TTLL5: variants seen among roughly 807,000 people sequenced by gnomAD.
TTLL5 encodes the protein tubulin polyglutamylase TTLL5.
In TTLL5, 132 loss-of-function variants were observed where a neutral mutation model predicts 168.4. The observed-to-expected ratio is 0.78, with a 90% CI of 0.68 to 0.91. The LOEUF (loss-of-function observed/expected upper bound fraction) is 0.91, where lower values mean the gene tolerates loss of function less well. Ranked by LOEUF, TTLL5 falls within the 40% of genes least tolerant of loss-of-function variation. The pLI is 0.00. For synonymous variants in TTLL5, 546 were observed against 558.6 expected, an observed-to-expected ratio of 0.98 and a Z score of 0.32; for missense variants, 1,545 against 1,581.5, an observed-to-expected ratio of 0.98 and a Z score of 0.39.
At chr14:75,858,731 A>C (rs1335745086) in intron 28 of TTLL5, among the ~76,000 whole-genome samples, 1 of 152,202 alleles carries the variant, frequency 6.6e-6, no homozygotes, top group Non-Finnish European at 1.5e-5. Flanking sequence ...CATCTTCCTA[A>C]TACTTGAAGA....
intron 31 of TTLL5, among the ~76,000 whole-genome samples, chr14:75,941,881 G>C (rs2034618240): frequency 7.9e-6 from 1 of 126,404 alleles, no homozygotes; most frequent in South Asian, 2.5e-4. Flanking sequence ...AACTGGAAAA[G>C]CTATGAGTCA....
At chr14:75,774,994 T>C (rs1453114187) in intron 21 of TTLL5, among the ~76,000 whole-genome samples, 1 of 151,892 alleles carries the variant, frequency 6.6e-6, no homozygotes, top group Non-Finnish European at 1.5e-5. Context: ...CAGCCTATTT[T>C]CTCCTGGTTT....
intron 31 of TTLL5, among the ~76,000 whole-genome samples, chr14:75,934,946 G>A (rs1264447918): frequency 1.3e-5 from 2 of 152,192 alleles, no homozygotes; most frequent in Non-Finnish European, 2.9e-5. Flanking sequence ...GGGCTGCATG[G>A]ATTAATTTGG....
intron 28 of TTLL5, among the ~76,000 whole-genome samples, chr14:75,840,612 C>T (rs943748383): frequency 6.6e-6 from 1 of 152,102 alleles, no homozygotes; most frequent in African/African-American, 2.4e-5. Flanking sequence ...GTATGGGGAT[C>T]GTTGGGGGCC....
chr14:75,943,932 T>G (rs1272884482), intron 31 of TTLL5, among the ~76,000 whole-genome samples: 1 of 152,216 alleles, frequency 6.6e-6, no homozygotes. Flanking sequence ...TGGGCCTACC[T>G]GCAGATTTGA....
chr14:75,764,577 T>C, intron 18 of TTLL5, 38 bp from the exon 19 acceptor site: 2 of 1,609,310 alleles, frequency 1.2e-6, no homozygotes, highest in Middle Eastern at 1.7e-4. Flanking sequence ...GGAGAGAACT[T>C]TCTGAAGGCC....
At chr14:75,888,259 G>A (rs1055494390) in intron 30 of TTLL5, among the ~76,000 whole-genome samples, 7 of 152,206 alleles carry the variant, frequency 4.6e-5, no homozygotes, top group African/African-American at 9.7e-5. Flanking sequence ...GCGTGATGGT[G>A]TGTGTCTCAT....
intron 20 of TTLL5, among the ~76,000 whole-genome samples, chr14:75,768,529 G>C (rs1391924701): frequency 6.6e-6 from 1 of 151,822 alleles, no homozygotes; most frequent in African/African-American, 2.4e-5. Flanking sequence ...TCTGGAGGTT[G>C]TTTATAGACT....
rs571779446 is a variant in TTLL5 at position 75,906,443 on chromosome 14, C to T, written c.3823+4219C>T. 4.2e-4 allele frequency: 336 copies of T among 798,672 alleles called. 1 individual carries two copies. The African/African-American group carries it at 5.9e-3, about 14-fold the overall frequency. The allele number at this position is 798,672 out of a possible 1,614,324, so 49.5% of individuals were successfully genotyped here. A position where few individuals can be genotyped will look rare whatever the true frequency, so the allele number is the denominator to read the frequency against. ...TGGAATTTGACAGGAAGTGGGGTGG[C>T]GTTATCTGGGGGAACGGTGATCCCC... is the stretch of plus-strand genomic sequence containing the variant. On this transcript the variant is annotated intron_variant, in intron 31 of 31. Coordinates refer to ENST00000298832, the MANE Select transcript of TTLL5 (RefSeq NM_015072.5).
At chr14:75,693,674 G>C (rs2140142982) in intron 6 of TTLL5, among the ~76,000 whole-genome samples, 1 of 152,348 alleles carries the variant, frequency 6.6e-6, no homozygotes, top group East Asian at 1.9e-4. Context: ...CAAGGGGACA[G>C]CTTTCTAAGC....
intron 27 of TTLL5, among the ~76,000 whole-genome samples, chr14:75,809,558 T>G (rs1893867191): frequency 6.6e-6 from 1 of 152,216 alleles, no homozygotes; most frequent in South Asian, 2.1e-4. Flanking sequence ...AAGATTTATC[T>G]TTTCTTTGTG....
rs1042811735 is a variant in TTLL5, at chr14:75,902,286, C to T, written c.3823+62C>T. 4 of 1,543,702 alleles carry T rather than the reference C, an allele frequency of 2.6e-6. No individual in the cohort carries two copies. In the African/African-American group the frequency reaches 4.1e-5, roughly 16 times the overall value. ...GACAGGGAAGGTGTTGGGCTTGGCA[C>T]ATTCTCTCTTCTGCCTCCAAAGAGA... On this transcript the variant is annotated intron_variant, in intron 31 of 31. Coordinates refer to ENST00000298832, the MANE Select transcript of TTLL5 (RefSeq NM_015072.5).
At chr14:75,939,890 C>G (rs2034545767) in intron 31 of TTLL5, among the ~76,000 whole-genome samples, 3 of 152,050 alleles carry the variant, frequency 2.0e-5, no homozygotes, top group Admixed American at 1.3e-4. Context: ...CTTTTGAACT[C>G]AAAGCTATAT....
chr14:75,889,844 AGAGG>A (rs1325719366), intron 30 of TTLL5, among the ~76,000 whole-genome samples: 1 of 8,074 alleles, frequency 1.2e-4, no homozygotes, highest in African/African-American at 3.9e-4. Context: ...AAAAAAAAAA[AGAGG>A]AAGGAAGGAA....
At chr14:75,694,348 T>C (rs1313518022) in intron 6 of TTLL5, among the ~76,000 whole-genome samples, 1 of 147,600 alleles carries the variant, frequency 6.8e-6, no homozygotes, top group East Asian at 1.9e-4. Context: ...CATTAACTTC[T>C]TTTTTTTTGA....
chr14:75,813,270 TTG>T (rs58821426), intron 27 of TTLL5, among the ~76,000 whole-genome samples: 2,333 of 130,628 alleles, frequency 0.018, 34 homozygotes, highest in African/African-American at 0.041. Context: ...GTGTGTGTGT[TTG>T]TGTGTGTGTG....
chr14:75,925,033 C>T lies in TTLL5; in HGVS notation c.3823+22809C>T, dbSNP rs562698497. Among the ~76,000 whole-genome samples, 633 of 140,776 alleles carry T rather than the reference C, an allele frequency of 4.5e-3. 22 individuals carry two copies. Among genetic ancestry groups the T allele is most frequent in the African/African-American group, 0.016 (606 of 37,034 alleles). The allele number at this position is 140,776 out of a possible 152,430, so 92.4% of individuals were successfully genotyped here. On this transcript the variant is annotated intron_variant, in intron 31 of 31. Coordinates refer to ENST00000298832, the MANE Select transcript of TTLL5 (RefSeq NM_015072.5). Reference sequence around the variant, plus strand: ...GGGGCTCCTCACTTCCCAGTAGGGGCGGCCGGGCAGAGGCGCCCCTCACCT... The same window carrying T: ...GGGGCTCCTCACTTCCCAGTAGGGGTGGCCGGGCAGAGGCGCCCCTCACCT...
intron 6 of TTLL5, among the ~76,000 whole-genome samples, chr14:75,698,102 G>A (rs868693843): frequency 6.6e-6 from 1 of 152,184 alleles, no homozygotes; most frequent in Non-Finnish European, 1.5e-5. Flanking sequence ...AAAAGTGGAA[G>A]AGGCACAGCT....
At chr14:75,744,022 G>A (rs1473562518) in intron 15 of TTLL5, among the ~76,000 whole-genome samples, 1 of 152,258 alleles carries the variant, frequency 6.6e-6, no homozygotes, top group African/African-American at 2.4e-5. Flanking sequence ...GAGAATTTTT[G>A]AGAGAAACCA....
Sources: gnomAD v4.1 joint callset for allele counts (sites outside exome capture counted in the v4.1 genomes callset) on GRCh38, gnomAD v4.1.1 for gene constraint, MANE v1.5 for transcripts, NCBI Gene and HGNC (gene_info 2026-07-23, HGNC 2026-07-21) for gene names.